ANXA8: variants seen among roughly 807,000 people sequenced by gnomAD.
ANXA8 encodes the protein VAC-beta.
In ANXA8, 9 loss-of-function variants were observed where a neutral mutation model predicts 26.8. The observed-to-expected ratio is 0.34, with a 90% confidence interval of 0.20 to 0.59. The LOEUF is 0.59. Among genes scored for constraint, ANXA8 ranks in the 20% least tolerant of loss-of-function variants. ANXA8 has a pLI of 0.84. For synonymous variants in ANXA8, 39 were observed against 94.8 expected (o/e 0.41, Z 3.42); for missense variants, 83 against 238.5 (o/e 0.35, Z 4.29).
chr10:47,703,896 C>T, the ANXA8 span, among the ~76,000 whole-genome samples: 3 of 145,722 alleles, frequency 2.1e-5, no homozygotes, highest in African/African-American at 7.4e-5. Context: ...TGTGGAATTG[C>T]CAAAAATGCA....
chr10:47,585,236 C>G, the ANXA8 span, among the ~76,000 whole-genome samples: 1 of 98,260 alleles, frequency 1.0e-5, no homozygotes, highest in Non-Finnish European at 1.8e-5. Context: ...TGCACTCCAG[C>G]CTGAGAGACA....
chr10:47,571,183 C>T, the ANXA8 span, among the ~76,000 whole-genome samples: 2 of 135,460 alleles, frequency 1.5e-5, no homozygotes, highest in African/African-American at 2.9e-5. Context: ...TCATATTTAT[C>T]GCCCATATCT....
the ANXA8 span, among the ~76,000 whole-genome samples, chr10:47,733,143 A>ATCTTTCTTTCTT: frequency 1.1e-3 from 103 of 98,074 alleles, no homozygotes; most frequent in Non-Finnish European, 1.2e-3. Context: ...CAACTCCCTA[A>ATCTTTCTTTCTT]TCTTTCTTTC....
At chr10:47,982,832 AT>A in the ANXA8 span, among the ~76,000 whole-genome samples, 1 of 73,340 alleles carries the variant, frequency 1.4e-5, no homozygotes, top group African/African-American at 4.7e-5. Context: ...ATATATATAT[AT>A]AAAATTTGAT....
At chr10:47,756,440 T>C in the ANXA8 span, among the ~76,000 whole-genome samples, 1 of 137,546 alleles carries the variant, frequency 7.3e-6, no homozygotes, top group Non-Finnish European at 1.6e-5. Flanking sequence ...TTTTCCTTCC[T>C]CTTTGCATCA....
chr10:47,626,557 T>C, the ANXA8 span, among the ~76,000 whole-genome samples: 1 of 149,918 alleles, frequency 6.7e-6, no homozygotes. Context: ...TCCACTCTAA[T>C]ATATACAGAA....
chr10:47,973,199 T>A, the ANXA8 span: 1 of 150,530 alleles, frequency 6.6e-6, no homozygotes. Flanking sequence ...CTCTTTTTTC[T>A]TATGCTTTAG....
the ANXA8 span, among the ~76,000 whole-genome samples, chr10:47,957,188 C>A: frequency 1.3e-5 from 2 of 150,122 alleles, no homozygotes; most frequent in Admixed American, 6.6e-5. Context: ...CCGATTCTGA[C>A]ATGAACTTCC....
At chr10:47,773,658 GAAC>G in the ANXA8 span, among the ~76,000 whole-genome samples, 1 of 128,458 alleles carries the variant, frequency 7.8e-6, no homozygotes, top group Non-Finnish European at 1.7e-5. Context: ...ATAAAAATGG[GAAC>G]AACAGACACT....
chr10:47,960,552 G>A, the ANXA8 span, among the ~76,000 whole-genome samples: 54 of 149,972 alleles, frequency 3.6e-4, 4 homozygotes, highest in African/African-American at 1.2e-3. Context: ...AGAAGCTGGG[G>A]CAAGAGTAGC....
At chr10:47,581,347 T>A in the ANXA8 span, 1 of 456,398 alleles carries the variant, frequency 2.2e-6, no homozygotes, top group Non-Finnish European at 4.2e-6. Flanking sequence ...CCTGCCTGAA[T>A]TCTTCAGTGG....
the ANXA8 span, among the ~76,000 whole-genome samples, chr10:47,976,573 A>ACACACACACACACAC: frequency 6.9e-6 from 1 of 145,544 alleles, no homozygotes; most frequent in African/African-American, 2.5e-5. Flanking sequence ...ACACACACAC[A>ACACACACACACACAC]ATTAACATTC....
At chr10:47,644,616 T>C in the ANXA8 span, among the ~76,000 whole-genome samples, 3,352 of 151,922 alleles carry the variant, frequency 0.022, 74 homozygotes, top group African/African-American at 0.076. Flanking sequence ...CTCATCCTAG[T>C]ATTGTCATTA....
chr10:47,954,162 T>C, the ANXA8 span, among the ~76,000 whole-genome samples: 1 of 150,418 alleles, frequency 6.6e-6, no homozygotes, highest in East Asian at 2.0e-4. Flanking sequence ...AATAGACAAA[T>C]GGATAAAGAA....
chr10:47,940,069 A>C, the ANXA8 span, among the ~76,000 whole-genome samples: 1 of 150,820 alleles, frequency 6.6e-6, no homozygotes, highest in South Asian at 2.1e-4. Context: ...CATGCTTTCC[A>C]ATTCCAAGTT....
At chr10:47,485,200 G>A (rs1840012501), upstream of ANXA8, among the ~76,000 whole-genome samples, 1 of 152,128 alleles carries the variant, frequency 6.6e-6, no homozygotes, top group Non-Finnish European at 1.5e-5. Flanking sequence ...AAGCGATTTG[G>A]TTAACATTTT....
the ANXA8 span, among the ~76,000 whole-genome samples, chr10:47,881,784 GTA>G: frequency 1.1e-5 from 1 of 94,132 alleles, no homozygotes; most frequent in African/African-American, 4.1e-5. Flanking sequence ...GTGTGAACAT[GTA>G]GGGTGTTTGT....
chr10:47,619,957 C>A, the ANXA8 span, among the ~76,000 whole-genome samples: 1 of 110,764 alleles, frequency 9.0e-6, no homozygotes, highest in Non-Finnish European at 2.0e-5. Flanking sequence ...TAATGAATCC[C>A]TGATAAATAT....
At chr10:47,733,219 T>TTCTTTCTCTCTCTC in the ANXA8 span, among the ~76,000 whole-genome samples, 5 of 68,102 alleles carry the variant, frequency 7.3e-5, no homozygotes, top group East Asian at 4.7e-4. Flanking sequence ...CTTTCTTTCT[T>TTCTTTCTCTCTCTC]TCTCTTTCTT....
Sources: allele counts gnomAD v4.1 joint callset (sites outside exome capture counted in the v4.1 genomes callset), GRCh38; gene constraint gnomAD v4.1.1; transcripts MANE v1.5; gene names NCBI Gene and HGNC (gene_info 2026-07-23, HGNC 2026-07-21).